NCALD: variants seen among roughly 807,000 people sequenced by gnomAD.
NCALD encodes neurocalcin delta.
Under a neutral mutation model 18.6 loss-of-function variants are expected in NCALD, and 10 were observed. The observed-to-expected ratio is 0.54, with a 90% CI of 0.33 to 0.91. The LOEUF (loss-of-function observed/expected upper bound fraction) is 0.91, where lower values mean the gene tolerates loss of function less well. NCALD is among the 40% of genes least tolerant of loss of function. The pLI, the probability that NCALD is intolerant of heterozygous loss-of-function variation, is 0.03. For synonymous variants in NCALD, 88 were observed against 87.4 expected (o/e 1.01, Z -0.04); for missense variants, 184 against 247.6 (o/e 0.74, Z 1.72).
At chr8:101,888,341 G>A (rs1216714681) in intron 3 of NCALD, among the ~76,000 whole-genome samples, 2 of 152,068 alleles carry the variant, frequency 1.3e-5, no homozygotes, top group South Asian at 2.1e-4. Context: ...GAGAATGAGT[G>A]GAAGTTCAAT....
At chr8:101,807,017 G>A (rs1203020933) in intron 4 of NCALD, among the ~76,000 whole-genome samples, 2 of 152,012 alleles carry the variant, frequency 1.3e-5, no homozygotes, top group African/African-American at 4.8e-5. Flanking sequence ...TTAAAGTGCT[G>A]AAAGAAGACA....
At chr8:101,937,337 C>T (rs1818801814) in intron 2 of NCALD, among the ~76,000 whole-genome samples, 1 of 152,152 alleles carries the variant, frequency 6.6e-6, no homozygotes, top group Non-Finnish European at 1.5e-5. Flanking sequence ...CCTCTCCCTC[C>T]TCCCACCCTC....
chr8:102,072,905 T>C (rs905330004), intron 1 of NCALD, among the ~76,000 whole-genome samples: 1 of 152,200 alleles, frequency 6.6e-6, no homozygotes, highest in Non-Finnish European at 1.5e-5. Context: ...ACAGACTTTC[T>C]GGAGAACAAC....
intron 2 of NCALD, among the ~76,000 whole-genome samples, chr8:101,956,373 C>T (rs1372713340): frequency 6.6e-6 from 1 of 152,010 alleles, no homozygotes; most frequent in Non-Finnish European, 1.5e-5. Context: ...CCAAGTTTAC[C>T]CAAACATAGC....
chr8:101,912,722 C>G (rs1817844206), intron 3 of NCALD, among the ~76,000 whole-genome samples: 1 of 152,230 alleles, frequency 6.6e-6, no homozygotes, highest in East Asian at 1.9e-4. Context: ...GTAGAGGACA[C>G]ACCCTCAGGT....
chr8:101,813,525 C>T lies in NCALD; in HGVS notation c.-20+73616G>A, dbSNP rs113811922. Among the ~76,000 whole-genome samples the T allele has an allele frequency of 5.8e-3, 885 of 152,192 alleles. 11 individuals carry two copies. The highest frequency in any genetic ancestry group is 0.019 in the African/African-American group (773 of 41,538). On this transcript the variant is annotated intron_variant, in intron 4 of 6. Coordinates refer to the NCALD transcript ENST00000311028. Reference sequence around the variant, plus strand: ...GATTGAAACCTATGTCATTTGATTTCGAGACCAATTTAAAATATTTTAAGT... The same window carrying T: ...GATTGAAACCTATGTCATTTGATTTTGAGACCAATTTAAAATATTTTAAGT...
chr8:101,860,295 G>A (rs972191691), intron 4 of NCALD, among the ~76,000 whole-genome samples: 4 of 152,144 alleles, frequency 2.6e-5, no homozygotes, highest in Non-Finnish European at 4.4e-5. Context: ...GGAAAGACAA[G>A]GACATGAAGG....
At chr8:102,084,476 T>C (rs1824667236) in intron 1 of NCALD, among the ~76,000 whole-genome samples, 1 of 152,236 alleles carries the variant, frequency 6.6e-6, no homozygotes, top group Non-Finnish European at 1.5e-5. Flanking sequence ...GAGAGTCAAA[T>C]GCATGGCTTG....
chr8:101,831,649 G>T (rs1397861117), intron 4 of NCALD, among the ~76,000 whole-genome samples: 2 of 152,100 alleles, frequency 1.3e-5, no homozygotes, highest in African/African-American at 4.8e-5. Context: ...TGTACCCACA[G>T]TTCCTTGTGG....
At chr8:101,991,576 G>A (rs572692986) in intron 2 of NCALD, among the ~76,000 whole-genome samples, 2 of 152,280 alleles carry the variant, frequency 1.3e-5, no homozygotes, top group East Asian at 1.9e-4. Flanking sequence ...TCCCAGGCAA[G>A]TAAAAGGCAA....
chr8:101,945,149 T>C, intron 2 of NCALD, among the ~76,000 whole-genome samples: 1 of 152,244 alleles, frequency 6.6e-6, no homozygotes, highest in Admixed American at 6.5e-5. Context: ...CTCAGTAATG[T>C]ATGCAAAAAG....
intron 2 of NCALD, among the ~76,000 whole-genome samples, chr8:101,918,745 C>CACAT (rs1288322009): frequency 1.5e-5 from 2 of 133,340 alleles, no homozygotes; most frequent in Admixed American, 1.4e-4. Flanking sequence ...AATAGCCACA[C>CACAT]ACACACACAC....
intron 2 of NCALD, 146 bp downstream of exon 2, chr8:101,719,106 A>C: frequency 1.1e-6 from 1 of 908,480 alleles, no homozygotes; most frequent in East Asian, 2.5e-5. Context: ...AATGCAGTTT[A>C]AACTGTTCAA....
At chr8:102,086,244 T>C (rs1196506094) in intron 1 of NCALD, among the ~76,000 whole-genome samples, 1 of 152,198 alleles carries the variant, frequency 6.6e-6, no homozygotes, top group Non-Finnish European at 1.5e-5. Flanking sequence ...TACCACAGTG[T>C]ATGATTGGAA....
chr8:101,914,792 C>T (rs995984743), intron 3 of NCALD, among the ~76,000 whole-genome samples: 2 of 152,196 alleles, frequency 1.3e-5, no homozygotes, highest in African/African-American at 2.4e-5. Flanking sequence ...TATAGCACTA[C>T]AAGATGCTCC....
At chr8:101,777,045 C>A (rs1426177699) in intron 1 of NCALD, among the ~76,000 whole-genome samples, 1 of 152,100 alleles carries the variant, frequency 6.6e-6, no homozygotes, top group African/African-American at 2.4e-5. Context: ...AAGACATGTC[C>A]CAGTTTGCCA....
rs1563843408 is a variant in NCALD at position 101,870,908 on chromosome 8, C to CA, written c.-20+16232_-20+16233insT. 8.6e-4 allele frequency among the ~76,000 whole-genome samples: 79 copies of CA among 91,548 alleles called. 2 individuals carry two copies. Among genetic ancestry groups the CA allele is most frequent in the African/African-American group, 1.5e-3 (35 of 23,280 alleles). The allele number at this position is 91,548 out of a possible 152,430, so 60.1% of individuals were successfully genotyped here. Reference sequence around the variant, plus strand: ...CTACCACCGCCCCCACCCCCCCCCCCCAAAAAAAGAGAGAACGTTCATGAG... The same window carrying CA: ...CTACCACCGCCCCCACCCCCCCCCCCACAAAAAAAGAGAGAACGTTCATGAG... On this transcript the variant is annotated intron_variant, in intron 4 of 6. Transcript: ENST00000311028.
intron 4 of NCALD, among the ~76,000 whole-genome samples, chr8:101,859,168 C>G (rs1053094588): frequency 6.6e-6 from 1 of 151,970 alleles, no homozygotes; most frequent in Admixed American, 6.5e-5. Context: ...CTTGCTGAGT[C>G]TTCTGGCCTC....
At chr8:102,065,518 C>T (rs1823982068) in intron 1 of NCALD, among the ~76,000 whole-genome samples, 1 of 152,142 alleles carries the variant, frequency 6.6e-6, no homozygotes, top group African/African-American at 2.4e-5. Flanking sequence ...GCGAGAGACA[C>T]AAAGGTCAGG....
Sources: gnomAD v4.1 joint callset for allele counts (sites outside exome capture counted in the v4.1 genomes callset) on GRCh38, gnomAD v4.1.1 for gene constraint, MANE v1.5 for transcripts, NCBI Gene and HGNC (gene_info 2026-07-23, HGNC 2026-07-21) for gene names.